The following INSL6 variants were observed in gnomAD, a reference collection of about 807,000 sequenced individuals.
INSL6 encodes insulin like 6, also known as insulin-like peptide INSL6.
INSL6 carries 16 observed loss-of-function variants against 9.4 expected under a neutral mutation model. That is an observed-to-expected ratio of 1.70 (90% CI 1.15 to 2.59). The LOEUF (loss-of-function observed/expected upper bound fraction) is 2.59, where lower values mean the gene tolerates loss of function less well. Among genes scored for constraint, INSL6 ranks in the 30% most tolerant of loss-of-function variants. INSL6 has a pLI of 0.00. For synonymous variants in INSL6, 154 were observed against 96.9 expected, an observed-to-expected ratio of 1.59 and a Z score of -3.46; for missense variants, 391 against 257.3, an observed-to-expected ratio of 1.52 and a Z score of -3.56.
the INSL6 span, among the ~76,000 whole-genome samples, chr9:5,057,649 C>G: frequency 1.4e-5 from 2 of 140,516 alleles, no homozygotes; most frequent in South Asian, 4.4e-4. Context: ...ATGGCGCGAT[C>G]TTGGCTCACT....
chr9:5,081,769 A>G, the INSL6 span: 2 of 1,602,564 alleles, frequency 1.2e-6, no homozygotes, highest in South Asian at 2.2e-5. Flanking sequence ...AAATATGAGG[A>G]TAGGTGCCCT....
the INSL6 span, among the ~76,000 whole-genome samples, chr9:5,048,419 G>C: frequency 6.6e-6 from 1 of 152,170 alleles, no homozygotes; most frequent in Non-Finnish European, 1.5e-5. Context: ...GGGATTACAG[G>C]TGTGAGCCAC....
At chr9:5,117,672 TTAATA>T in the INSL6 span, among the ~76,000 whole-genome samples, 2 of 139,518 alleles carry the variant, frequency 1.4e-5, no homozygotes, top group Admixed American at 7.0e-5. Context: ...CTTAAATAAA[TTAATA>T]AATATTTTTA....
intron 3 of INSL6, among the ~76,000 whole-genome samples, chr9:5,128,683 C>G: frequency 6.6e-6 from 1 of 151,866 alleles, no homozygotes; most frequent in East Asian, 1.9e-4. Context: ...AATGGGGTGA[C>G]TACCTTATTA....
chr9:5,134,199 A>G (rs773436003), intron 2 of INSL6, among the ~76,000 whole-genome samples: 2 of 152,196 alleles, frequency 1.3e-5, no homozygotes, highest in African/African-American at 2.4e-5. Flanking sequence ...ACTATGTGAA[A>G]AGACCAAATC....
At chr9:5,055,472 T>A in the INSL6 span, among the ~76,000 whole-genome samples, 2 of 152,030 alleles carry the variant, frequency 1.3e-5, no homozygotes, top group African/African-American at 4.8e-5. Flanking sequence ...TTTAATGCCC[T>A]CATTTTTAAG....
the INSL6 span, among the ~76,000 whole-genome samples, chr9:5,020,141 C>G: frequency 1.3e-5 from 2 of 152,128 alleles, no homozygotes; most frequent in African/African-American, 4.8e-5. Flanking sequence ...GAACCTCTGG[C>G]TGTCCAGTTG....
intron 1 of INSL6, among the ~76,000 whole-genome samples, chr9:5,184,735 G>A (rs1480078627): frequency 6.6e-6 from 1 of 152,208 alleles, no homozygotes; most frequent in Non-Finnish European, 1.5e-5. Flanking sequence ...CTTAAATGAA[G>A]CCTGATAGGA....
At chr9:5,075,349 C>T in the INSL6 span, among the ~76,000 whole-genome samples, 34 of 152,208 alleles carry the variant, frequency 2.2e-4, no homozygotes, top group African/African-American at 7.5e-4. Flanking sequence ...TCTAGGACTT[C>T]CACAGCTAGA....
chr9:5,105,480 C>T, the INSL6 span, among the ~76,000 whole-genome samples: 14 of 152,232 alleles, frequency 9.2e-5, no homozygotes, highest in Middle Eastern at 3.4e-3. Flanking sequence ...GTGAAAATGG[C>T]GATACTGCCC....
intron 2 of INSL6, among the ~76,000 whole-genome samples, chr9:5,146,750 G>C (rs1475687881): frequency 6.6e-6 from 1 of 152,198 alleles, no homozygotes; most frequent in Non-Finnish European, 1.5e-5. Context: ...TGCCAGCAAA[G>C]CAATGTAGGC....
the INSL6 span, among the ~76,000 whole-genome samples, chr9:5,056,618 A>G: frequency 2.6e-5 from 4 of 152,110 alleles, no homozygotes; most frequent in Non-Finnish European, 5.9e-5. Flanking sequence ...TAAGGATCAT[A>G]TTTTTATGTG....
the INSL6 span, chr9:5,090,008 G>C: frequency 8.4e-6 from 4 of 474,036 alleles, no homozygotes; most frequent in Non-Finnish European, 1.4e-5. Context: ...ATTGTGTTTG[G>C]TGATCATAGA....
At chr9:5,167,151 A>G (rs1825073130) in intron 1 of INSL6, among the ~76,000 whole-genome samples, 1 of 152,202 alleles carries the variant, frequency 6.6e-6, no homozygotes, top group Non-Finnish European at 1.5e-5. Flanking sequence ...AGCCAGCCAC[A>G]CAGGGCAAAG....
At chr9:5,185,203 T>C in intron 1 of INSL6, 111 bp downstream of exon 1, 1 of 1,336,134 alleles carries the variant, frequency 7.5e-7, no homozygotes. Flanking sequence ...TAAAGAGCTG[T>C]GTACTAGGCA....
the INSL6 span, chr9:5,073,582 C>G: frequency 1.3e-6 from 1 of 780,430 alleles, no homozygotes; most frequent in Non-Finnish European, 2.2e-6. Flanking sequence ...GTATCCTCAT[C>G]TATAGTCATG....
intron 3 of INSL6, among the ~76,000 whole-genome samples, chr9:5,131,162 A>C (rs1337832389): frequency 6.6e-6 from 1 of 152,232 alleles, no homozygotes; most frequent in East Asian, 1.9e-4. Flanking sequence ...AAGGCACTCA[A>C]TAATGAAAAT....
chr9:5,080,599 A>T, the INSL6 span: 1 of 1,608,630 alleles, frequency 6.2e-7, no homozygotes, highest in South Asian at 1.1e-5. Context: ...AGCAAACCTT[A>T]TAAATAATTG....
intron 2 of INSL6, among the ~76,000 whole-genome samples, chr9:5,134,530 C>T (rs1171529454): frequency 2.0e-5 from 3 of 152,116 alleles, no homozygotes; most frequent in Non-Finnish European, 4.4e-5. Context: ...AGAGTGGGGG[C>T]CAACATTCAA....
Sources: allele counts gnomAD v4.1 joint callset (sites outside exome capture counted in the v4.1 genomes callset), GRCh38; gene constraint gnomAD v4.1.1; transcripts MANE v1.5; gene names NCBI Gene and HGNC (gene_info 2026-07-23, HGNC 2026-07-21).